The following KIAA1210 variants were observed in gnomAD, a reference collection of about 807,000 sequenced individuals.
The protein encoded by KIAA1210 is acrosomal protein KIAA1210.
A neutral mutation model predicts 78.9 loss-of-function variants in KIAA1210; 48 were observed. The ratio of observed to expected loss-of-function variants is 0.61; its 90% confidence interval spans 0.48 to 0.77. KIAA1210 has a LOEUF of 0.77. Among genes scored for constraint, KIAA1210 ranks in the 30% least tolerant of loss-of-function variants. The pLI, the probability that KIAA1210 is intolerant of heterozygous loss-of-function variation, is 0.00. For missense variants in KIAA1210, 1,108 were observed against 1,100.0 expected, an observed-to-expected ratio of 1.01 and a Z score of -0.10; for synonymous variants, 406 against 404.5, an observed-to-expected ratio of 1.00 and a Z score of -0.04.
intron 2 of KIAA1210, 139 bp from the exon 3 acceptor site, chrX:119,116,803 G>A (rs920396227): frequency 1.7e-5 from 8 of 479,759 alleles, no homozygotes; most frequent in Non-Finnish European, 2.4e-5. Context: ...CCCCAATGCT[G>A]ACAGCACCCT....
intron 2 of KIAA1210, among the ~76,000 whole-genome samples, chrX:119,136,535 A>G (rs769815627): frequency 2.7e-5 from 3 of 111,188 alleles, no homozygotes; most frequent in Non-Finnish European, 3.8e-5. Flanking sequence ...CACAGAAATA[A>G]CAATGCCATG....
chrX:119,106,879 G>A (rs777363294), intron 5 of KIAA1210, among the ~76,000 whole-genome samples: 131 of 111,966 alleles, frequency 1.2e-3, no homozygotes, highest in African/African-American at 4.1e-3. Context: ...CAATCTCCTC[G>A]TTGTTCTGAA....
intron 1 of KIAA1210, among the ~76,000 whole-genome samples, chrX:119,126,507 AT>A (rs1928650207): frequency 8.9e-6 from 1 of 112,183 alleles, no homozygotes; most frequent in Non-Finnish European, 1.9e-5. Context: ...TAATATTACA[AT>A]TCTGCCTAAA....
At chrX:119,137,270 C>T (rs1426433309) in intron 2 of KIAA1210, among the ~76,000 whole-genome samples, 2 of 112,300 alleles carry the variant, frequency 1.8e-5, no homozygotes, top group Non-Finnish European at 1.9e-5. Flanking sequence ...CCCAGGGGCA[C>T]ATGACAAGTT....
intron 2 of KIAA1210, chrX:119,147,437 G>T (rs774591099): frequency 5.8e-6 from 7 of 1,206,799 alleles, no homozygotes; most frequent in South Asian, 3.5e-5. Context: ...CCCTGGTCAG[G>T]TGTCAAGTAC....
In KIAA1210 at chrX:119,081,095, C is replaced by G; in HGVS notation, c.*234G>C. 4.1e-6 allele frequency: 1 copy of G among 246,417 alleles called. No individual in the cohort carries two copies. The highest frequency in any genetic ancestry group is 7.1e-6 in the Non-Finnish European group (1 of 140,770). 20.3% of individuals were successfully genotyped at this position (246,417 alleles called of 1,213,427 possible). A position where few individuals can be genotyped will look rare whatever the true frequency, so the allele number is the denominator to read the frequency against. ...TGGCCAACATGGTGAAACCCCGTCT[C>G]TACTAAAAATACGAAAACAAAATTA... is the stretch of plus-strand genomic sequence containing the variant. On this transcript the variant is annotated 3_prime_UTR_variant, in exon 12 of 12. Transcript: ENST00000691062.
intron 8 of KIAA1210, among the ~76,000 whole-genome samples, chrX:119,092,140 A>C (rs1427307115): frequency 8.9e-6 from 1 of 112,215 alleles, no homozygotes; most frequent in East Asian, 2.8e-4. Context: ...ATGCAAAGAA[A>C]TTCTTGGAAT....
chrX:119,085,936 G>A (rs1369915920), intron 9 of KIAA1210, among the ~76,000 whole-genome samples: 1 of 112,886 alleles, frequency 8.9e-6, no homozygotes. Context: ...AAAAGTATTT[G>A]TTACTTCATA....
intron 3 of KIAA1210, among the ~76,000 whole-genome samples, chrX:119,114,663 G>A (rs1340858845): frequency 8.9e-6 from 1 of 111,765 alleles, no homozygotes; most frequent in Non-Finnish European, 1.9e-5. Flanking sequence ...GAAATCTTGG[G>A]CTATGAGTGG....
intron 3 of KIAA1210, among the ~76,000 whole-genome samples, chrX:119,110,277 T>C (rs997879822): frequency 8.9e-6 from 1 of 112,173 alleles, no homozygotes; most frequent in African/African-American, 3.2e-5. Context: ...ACCATTTCAA[T>C]AGATGCAGAA....
At chrX:119,129,672 C>A (rs1380993826), upstream of KIAA1210, among the ~76,000 whole-genome samples, 1 of 111,040 alleles carries the variant, frequency 9.0e-6, no homozygotes. Flanking sequence ...GAATCAAGCA[C>A]TCTTGGACCC....
At chrX:119,096,729 A>G (rs778277017) in intron 6 of KIAA1210, 38 bp from the exon 7 acceptor site, 1 of 1,026,399 alleles carries the variant, frequency 9.7e-7, no homozygotes, top group African/African-American at 1.9e-5. Flanking sequence ...GTCAACCCGT[A>G]TGCTGTTACT....
At chrX:119,085,296 T>C (rs112327667) in intron 10 of KIAA1210, 87 bp downstream of exon 10, 5 of 858,270 alleles carry the variant, frequency 5.8e-6, no homozygotes, top group Non-Finnish European at 8.3e-6. Context: ...GAGGGGGAGC[T>C]GCATGTTGGC....
intron 10 of KIAA1210, among the ~76,000 whole-genome samples, chrX:119,084,414 AG>A (rs1927068502): frequency 8.9e-6 from 1 of 112,255 alleles, no homozygotes; most frequent in African/African-American, 3.2e-5. Flanking sequence ...GATACAGAAA[AG>A]TGCCCAGAAA....
At chrX:119,149,407 C>G (rs756140733) in intron 1 of KIAA1210, among the ~76,000 whole-genome samples, 10 of 111,013 alleles carry the variant, frequency 9.0e-5, no homozygotes, top group African/African-American at 2.9e-4. Context: ...AAAAGTTTCT[C>G]CCAGAGGGAG....
chrX:119,084,285 T>A (rs1001181547), intron 10 of KIAA1210, among the ~76,000 whole-genome samples: 3 of 111,112 alleles, frequency 2.7e-5, no homozygotes, highest in Non-Finnish European at 5.7e-5. Flanking sequence ...TATCCACATG[T>A]GGTAGTTAGC....
chrX:119,098,111 G>T (rs1381021917), intron 6 of KIAA1210, among the ~76,000 whole-genome samples: 2 of 111,319 alleles, frequency 1.8e-5, no homozygotes, highest in Non-Finnish European at 3.8e-5. Context: ...AACCTCACAT[G>T]ATCTGTCTTC....
chrX:119,122,745 A>G (rs1198965189), intron 2 of KIAA1210, among the ~76,000 whole-genome samples: 1 of 111,487 alleles, frequency 9.0e-6, no homozygotes, highest in Non-Finnish European at 1.9e-5. Context: ...GAGACACAAT[A>G]CTAAACAGTG....
In KIAA1210 at chrX:119,105,063, A is replaced by C. The variant is rs369956899; in HGVS notation, c.577T>G (p.Ser193Ala). The C allele has an allele frequency of 2.6e-5, 31 of 1,207,606 alleles. No homozygotes were observed. The highest frequency in any genetic ancestry group is 3.4e-5 in the Non-Finnish European group (30 of 893,842). Residue 193 changes from serine (S) to alanine (A), a missense_variant, in exon 6 of 12, where the codon TCT becomes GCT. Physicochemically the swap from Ser to Ala is moderately conservative, Grantham distance 99. This residue lies in a region of KIAA1210 where 672 missense variants were observed against 607.1 expected (regional missense o/e 1.11). Coordinates refer to ENST00000691062, the MANE Select transcript of KIAA1210 (RefSeq NM_001394962.1). ...EIISKNLVEISLDDESPKNPQ... is the reference protein window; with the variant it reads ...EIISKNLVEIALDDESPKNPQ... ...TTCTTAGGTGACTCATCATCGAGAGAGATTTCTACCAAGTTCTTAGAAATT... is the reference window on the plus strand; with the variant it reads ...TTCTTAGGTGACTCATCATCGAGAGCGATTTCTACCAAGTTCTTAGAAATT...
Sources: allele counts gnomAD v4.1 joint callset (sites outside exome capture counted in the v4.1 genomes callset), GRCh38; gene constraint gnomAD v4.1.1; regional missense constraint gnomAD v4.1.1; transcripts MANE v1.5; gene names NCBI Gene and HGNC (gene_info 2026-07-23, HGNC 2026-07-21).